The following VTA1 variants were observed in gnomAD, a reference collection of about 807,000 sequenced individuals.
VTA1 encodes vacuolar protein sorting-associated protein VTA1 homolog.
A neutral mutation model predicts 36.9 loss-of-function variants in VTA1; 24 were observed. The ratio of observed to expected loss-of-function variants is 0.65; its 90% CI spans 0.47 to 0.91. VTA1 has a LOEUF of 0.91. Among genes scored for constraint, VTA1 ranks in the 40% least tolerant of loss-of-function variants. The probability of loss-of-function intolerance (pLI) is 0.00; values close to 1 mark genes in which losing one functional copy is unlikely to be tolerated. For synonymous variants in VTA1, 142 were observed against 130.2 expected (o/e 1.09, Z -0.62); for missense variants, 393 against 377.2 (o/e 1.04, Z -0.35).
At chr6:142,149,086 A>C (rs944405442) in intron 1 of VTA1, among the ~76,000 whole-genome samples, 1 of 152,226 alleles carries the variant, frequency 6.6e-6, no homozygotes, top group African/African-American at 2.4e-5. Flanking sequence ...TTATTTAAAA[A>C]TATAACATAA....
chr6:142,168,683 T>C (rs1387493142), intron 2 of VTA1, among the ~76,000 whole-genome samples: 1 of 150,836 alleles, frequency 6.6e-6, no homozygotes, highest in Non-Finnish European at 1.5e-5. Flanking sequence ...TGTCATCTTA[T>C]ACCTTACTTT....
intron 1 of VTA1, among the ~76,000 whole-genome samples, chr6:142,154,098 T>C (rs1484402786): frequency 1.3e-5 from 2 of 152,060 alleles, no homozygotes; most frequent in African/African-American, 2.4e-5. Flanking sequence ...ATAGTCAAGA[T>C]AGAGAATAAT....
At chr6:142,170,263 AT>A (rs894824583) in intron 3 of VTA1, 82 bp from the exon 4 acceptor site, 28 of 1,002,484 alleles carry the variant, frequency 2.8e-5, no homozygotes, top group East Asian at 9.9e-5. Context: ...AAAGATAGGA[AT>A]TTTTTTTCTT....
intron 1 of VTA1, among the ~76,000 whole-genome samples, chr6:142,165,974 A>C (rs1313496662): frequency 6.8e-6 from 1 of 146,374 alleles, no homozygotes; most frequent in Non-Finnish European, 1.5e-5. Flanking sequence ...GGACATACCT[A>C]GTCCTCTTTT....
intron 7 of VTA1, among the ~76,000 whole-genome samples, chr6:142,206,466 G>A (rs150792435): frequency 8.1e-4 from 123 of 152,258 alleles, no homozygotes; most frequent in Non-Finnish European, 1.5e-3. Flanking sequence ...TTACATAAAT[G>A]GAGATTTCGT....
At chr6:142,191,699 A>T (rs1459879331) in intron 5 of VTA1, among the ~76,000 whole-genome samples, 1 of 152,080 alleles carries the variant, frequency 6.6e-6, no homozygotes, top group Non-Finnish European at 1.5e-5. Context: ...TCAACTCATT[A>T]ACTTAAAACA....
At chr6:142,208,521 T>C (rs1402077756) in intron 7 of VTA1, among the ~76,000 whole-genome samples, 2 of 151,972 alleles carry the variant, frequency 1.3e-5, no homozygotes, top group Non-Finnish European at 2.9e-5. Context: ...TTCAAAGAAA[T>C]AATAACAGAA....
chr6:142,198,621 AAAC>A lies in VTA1; in HGVS notation c.697+7_697+9del. The A allele has an allele frequency of 6.2e-7, 1 of 1,600,550 alleles. No individual in the cohort carries two copies. The highest frequency in any genetic ancestry group is 1.7e-4 in the Middle Eastern group (1 of 5,994). On this transcript the variant is annotated splice_region_variant and intron_variant, in intron 6 of 7. Coordinates refer to ENST00000367630, the MANE Select transcript of VTA1 (RefSeq NM_016485.5). ...AGAAGTGCCTCACAGCACAGGTGGG[AAAC>A]TGTAACTGAATGATTTATTTAATTC...
At chr6:142,190,057 T>G (rs2114665790) in intron 5 of VTA1, among the ~76,000 whole-genome samples, 1 of 152,268 alleles carries the variant, frequency 6.6e-6, no homozygotes, top group South Asian at 2.1e-4. Context: ...GTACCTGGCC[T>G]CCTACTTTTA....
intron 1 of VTA1, among the ~76,000 whole-genome samples, chr6:142,148,617 G>T (rs1204023700): frequency 1.3e-5 from 2 of 152,110 alleles, no homozygotes; most frequent in East Asian, 1.9e-4. Context: ...ATACAATGGA[G>T]GTAGAGAGTT....
intron 4 of VTA1, among the ~76,000 whole-genome samples, chr6:142,186,496 G>A (rs1775342002): frequency 6.6e-6 from 1 of 152,116 alleles, no homozygotes; most frequent in Admixed American, 6.6e-5. Context: ...TGAAAATGGG[G>A]AGATGAAGAC....
In VTA1 at chr6:142,222,464, G is replaced by A. The variant is rs1320340083; in HGVS notation, c.*3821G>A. Reference sequence around the variant, plus strand: ...GGACTACACCAAGAAAAAGACTCCAGTTATGGGTCTTGAAAATTAATATCC... The same window carrying A: ...GGACTACACCAAGAAAAAGACTCCAATTATGGGTCTTGAAAATTAATATCC... On this transcript the variant is annotated 3_prime_UTR_variant, in exon 8 of 8. Transcript: ENST00000367630. 1 of 152,124 alleles carries A rather than the reference G, an allele frequency of 6.6e-6. No homozygotes were observed. The highest frequency in any genetic ancestry group is 1.5e-5 in the Non-Finnish European group (1 of 68,020). 9.4% of individuals were successfully genotyped at this position (152,124 alleles called of 1,614,324 possible).
In VTA1 at chr6:142,222,130, G is replaced by A. The variant is rs1276114332; in HGVS notation, c.*3487G>A. 6.6e-6 allele frequency: 1 copy of A among 152,030 alleles called. No homozygotes were observed. The highest frequency in any genetic ancestry group is 1.5e-5 in the Non-Finnish European group (1 of 68,008). The allele number at this position is 152,030 out of a possible 1,614,324, so 9.4% of individuals were successfully genotyped here. A position where few individuals can be genotyped will look rare whatever the true frequency, so the allele number is the denominator to read the frequency against. The stretch of plus-strand genomic sequence containing the variant: ...CTGGATGTGAGGTACGAACATAAGA[G>A]AAGGAGTAAAGGTTGACTCCAGATT... On this transcript the variant is annotated 3_prime_UTR_variant, in exon 8 of 8. Coordinates refer to ENST00000367630, the MANE Select transcript of VTA1 (RefSeq NM_016485.5).
chr6:142,168,898 C>T (rs1774975599), intron 2 of VTA1, among the ~76,000 whole-genome samples: 3 of 151,696 alleles, frequency 2.0e-5, no homozygotes, highest in Admixed American at 2.0e-4. Context: ...TCCCGAGTAG[C>T]TGGGACTACA....
intron 5 of VTA1, among the ~76,000 whole-genome samples, chr6:142,193,042 T>G (rs1775483276): frequency 6.6e-6 from 1 of 152,148 alleles, no homozygotes; most frequent in Admixed American, 6.5e-5. Flanking sequence ...GTAGTTTTCC[T>G]TCTCATGCAC....
intron 4 of VTA1, among the ~76,000 whole-genome samples, chr6:142,181,089 AAAAAAAT>A (rs1322523592): frequency 8.1e-5 from 6 of 74,390 alleles, no homozygotes; most frequent in African/African-American, 1.1e-4. Flanking sequence ...AAAAAAAAAA[AAAAAAAT>A]ATATATATAT....
intron 7 of VTA1, among the ~76,000 whole-genome samples, chr6:142,205,508 C>CT (rs1232600021): frequency 6.6e-6 from 1 of 151,862 alleles, no homozygotes; most frequent in Non-Finnish European, 1.5e-5. Flanking sequence ...TAGCACATAC[C>CT]TTTTTTAAGG....
At position 142,223,058 on chromosome 6, in the gene VTA1, GATGTT is replaced by G. The variant is rs1229803574; in HGVS notation, c.*4419_*4423del. The G allele has an allele frequency of 1.3e-5, 2 of 152,178 alleles. No homozygotes were observed. The highest frequency in any genetic ancestry group is 4.8e-5 in the African/African-American group (2 of 41,448). 9.4% of individuals were successfully genotyped at this position (152,178 alleles called of 1,614,324 possible). On this transcript the variant is annotated 3_prime_UTR_variant, in exon 8 of 8. Transcript: ENST00000367630. ...ACCTGTTACATTGTAAGTACAATGA[GATGTT>G]ATGAGTTCCACATTATCAAGGTCAT...
At position 142,181,098 on chromosome 6, in the gene VTA1, T is replaced by A. The variant is rs866365369; in HGVS notation, c.412-8328T>A. Among the ~76,000 whole-genome samples the A allele has an allele frequency of 3.8e-3, 317 of 83,542 alleles. 2 individuals carry two copies. Among genetic ancestry groups the A allele is most frequent in the African/African-American group, 0.012 (293 of 23,938 alleles). 54.8% of individuals were successfully genotyped at this position (83,542 alleles called of 152,430 possible). ...GTACAGAAAAAAAAAAAAAAAAATA[T>A]ATATATATATATATATATACACACA... On this transcript the variant is annotated intron_variant, in intron 4 of 7. Transcript: ENST00000367630.
Sources: allele counts gnomAD v4.1 joint callset (sites outside exome capture counted in the v4.1 genomes callset), GRCh38; gene constraint gnomAD v4.1.1; transcripts MANE v1.5; gene names NCBI Gene and HGNC (gene_info 2026-07-23, HGNC 2026-07-21).